Variants in GAB1 observed in about 807,000 individuals in gnomAD.
GAB1 encodes GRB2-associated-binding protein 1.
GAB1 carries 19 observed loss-of-function variants against 66.5 expected under a neutral mutation model. The ratio of observed to expected loss-of-function variants is 0.29; its 90% confidence interval spans 0.20 to 0.42. GAB1 has a LOEUF of 0.42. Ranked by LOEUF, GAB1 falls within the 10% of genes least tolerant of loss-of-function variation. GAB1 has a pLI of 1.00. For synonymous variants in GAB1, 294 were observed against 301.4 expected (o/e 0.98, Z 0.25); for missense variants, 732 against 858.5 (o/e 0.85, Z 1.84).
At chr4:143,457,631 C>T (rs1363032524) in intron 6 of GAB1, 7 of 511,622 alleles carry the variant, frequency 1.4e-5, no homozygotes, top group South Asian at 1.2e-4. Context: ...ATCCATTTTC[C>T]AATTAATAAA....
intron 1 of GAB1, among the ~76,000 whole-genome samples, chr4:143,409,969 G>A (rs1240648369): frequency 6.6e-6 from 1 of 151,888 alleles, no homozygotes. Flanking sequence ...ATCATCTGTT[G>A]AGTGTTTAAA....
Position 143,469,258 on chromosome 4 carries a change from A to C in GAB1, c.*69A>C. On this transcript the variant is annotated 3_prime_UTR_variant, in exon 10 of 10. Coordinates refer to ENST00000262994, the MANE Select transcript of GAB1 (RefSeq NM_002039.4). ...AAAGATAAATCCCTTTTGAAGAATG[A>C]CTTGACACTTCCACTCTAGGTAGAT... The C allele has an allele frequency of 6.7e-7, 1 of 1,486,630 alleles. No homozygotes were observed. Among genetic ancestry groups the C allele is most frequent in the Non-Finnish European group, 9.2e-7 (1 of 1,084,242 alleles). 92.1% of individuals were successfully genotyped at this position (1,486,630 alleles called of 1,614,324 possible). A position where few individuals can be genotyped will look rare whatever the true frequency, so the allele number is the denominator to read the frequency against.
At chr4:143,435,306 A>G (rs796117376) in intron 3 of GAB1, among the ~76,000 whole-genome samples, 14 of 152,340 alleles carry the variant, frequency 9.2e-5, no homozygotes, top group African/African-American at 3.4e-4. Flanking sequence ...TTATAAATCA[A>G]CATTTGTTAA....
intron 1 of GAB1, chr4:143,376,929 T>G (rs1353780298): frequency 2.0e-5 from 3 of 152,208 alleles, no homozygotes; most frequent in Non-Finnish European, 4.4e-5. Flanking sequence ...CCTATCATTC[T>G]TAGTCTGTCT....
chr4:143,347,662 A>G (rs570880270), intron 1 of GAB1, among the ~76,000 whole-genome samples: 6 of 152,342 alleles, frequency 3.9e-5, no homozygotes, highest in Admixed American at 3.9e-4. Context: ...GTGTGCTGCT[A>G]GGGGACATAG....
chr4:143,446,576 G>GCTGCATA (rs1305448434), intron 6 of GAB1, among the ~76,000 whole-genome samples: 1 of 152,116 alleles, frequency 6.6e-6, no homozygotes, highest in African/African-American at 2.4e-5. Flanking sequence ...GTGTCTTCTG[G>GCTGCATA]CTGCATAAAT....
chr4:143,437,461 G>A (rs1733996558), intron 3 of GAB1, among the ~76,000 whole-genome samples: 1 of 152,184 alleles, frequency 6.6e-6, no homozygotes. Flanking sequence ...TGGAAAGGAA[G>A]ATATATGAAA....
intron 1 of GAB1, among the ~76,000 whole-genome samples, chr4:143,339,465 T>G (rs1219432599): frequency 6.6e-6 from 1 of 152,236 alleles, no homozygotes; most frequent in Non-Finnish European, 1.5e-5. Flanking sequence ...GAGCAGAGTT[T>G]GTGCCATTGC....
intron 2 of GAB1, among the ~76,000 whole-genome samples, chr4:143,418,027 C>T (rs1461670275): frequency 1.3e-5 from 2 of 152,234 alleles, no homozygotes; most frequent in Admixed American, 1.3e-4. Context: ...CGTGCCGCTT[C>T]CTCTCTGGCC....
intron 6 of GAB1, among the ~76,000 whole-genome samples, chr4:143,450,002 A>T (rs1233560409): frequency 2.6e-5 from 4 of 152,126 alleles, no homozygotes; most frequent in African/African-American, 7.2e-5. Flanking sequence ...TGGAGAATGT[A>T]TGAGTAATAC....
intron 1 of GAB1, chr4:143,343,526 G>A (rs1245965006): frequency 1.3e-5 from 2 of 154,740 alleles, no homozygotes. Context: ...AGGAGCTTTT[G>A]TTATGTGCCA....
At position 143,469,215 on chromosome 4, in the gene GAB1, A is replaced by C. The variant is rs757016365; in HGVS notation, c.*26A>C. ...AAATATTGCCTTGCCATTTCTGAAC[A>C]AAAGAAAACTGAATTGTAAAGATAA... On this transcript the variant is annotated 3_prime_UTR_variant, in exon 10 of 10. Transcript: ENST00000262994. 10 of 1,610,674 alleles carry C rather than the reference A, an allele frequency of 6.2e-6. No homozygotes were observed. Among genetic ancestry groups the C allele is most frequent in the Non-Finnish European group, 8.5e-7 (1 of 1,177,938 alleles).
At chr4:143,363,994 T>C (rs1053499378) in intron 1 of GAB1, among the ~76,000 whole-genome samples, 3 of 151,966 alleles carry the variant, frequency 2.0e-5, no homozygotes, top group African/African-American at 7.3e-5. Context: ...TAAAGACCAG[T>C]GTGGCCAACA....
Position 143,337,027 on chromosome 4 carries a change from C to T in GAB1, c.-162C>T, listed in dbSNP as rs1486132888. 8.0e-6 allele frequency: 5 copies of T among 626,826 alleles called. No individual in the cohort carries two copies. The highest frequency in any genetic ancestry group is 1.1e-5 in the Non-Finnish European group (4 of 358,508). The allele number at this position is 626,826 out of a possible 1,614,324, so 38.8% of individuals were successfully genotyped here. ...GGCCTGCAGAGGAGAGACTCGAACTCGTGGAACCCGCGCACCGTGGAGTCT... is the reference window on the plus strand; with the variant it reads ...GGCCTGCAGAGGAGAGACTCGAACTTGTGGAACCCGCGCACCGTGGAGTCT... On this transcript the variant is annotated 5_prime_UTR_variant, in exon 1 of 10. Transcript: ENST00000262994.
At chr4:143,401,502 A>G (rs1731772174) in intron 1 of GAB1, among the ~76,000 whole-genome samples, 1 of 152,182 alleles carries the variant, frequency 6.6e-6, no homozygotes, top group Non-Finnish European at 1.5e-5. Flanking sequence ...TGTTTTGGGG[A>G]TGCTGTGTTA....
At chr4:143,455,224 A>G (rs1735120940) in intron 6 of GAB1, among the ~76,000 whole-genome samples, 1 of 152,184 alleles carries the variant, frequency 6.6e-6, no homozygotes, top group Non-Finnish European at 1.5e-5. Context: ...ATTTGTACCT[A>G]AAGATCCAGG....
At chr4:143,429,135 C>A (rs1733517450) in intron 2 of GAB1, among the ~76,000 whole-genome samples, 1 of 152,124 alleles carries the variant, frequency 6.6e-6, no homozygotes, top group Non-Finnish European at 1.5e-5. Flanking sequence ...TGGAGTCTTA[C>A]TCTATTGCCC....
rs112511763 is a variant in GAB1 at position 143,342,065 on chromosome 4, G to C, written c.72+4805G>C. Among the ~76,000 whole-genome samples, 905 of 152,322 alleles carry C rather than the reference G, an allele frequency of 5.9e-3. 3 individuals carry two copies. Among genetic ancestry groups the C allele is most frequent in the Non-Finnish European group, 9.3e-3 (630 of 68,034 alleles). The stretch of plus-strand genomic sequence containing the variant: ...TCCCAATGTTTTTACCTTTTCAAGT[G>C]TAGCAAGAATGTTTTTTCTGTTAAC... On this transcript the variant is annotated intron_variant, in intron 1 of 9. Transcript: ENST00000262994.
chr4:143,439,626 C>G (rs774530657), intron 4 of GAB1, 176 bp from the exon 5 acceptor site: 2 of 571,362 alleles, frequency 3.5e-6, no homozygotes, highest in Non-Finnish European at 6.3e-6. Flanking sequence ...TCTGCATTTT[C>G]TAGTGGTTTA....
Sources: gnomAD v4.1 joint callset for allele counts (sites outside exome capture counted in the v4.1 genomes callset) on GRCh38, gnomAD v4.1.1 for gene constraint, MANE v1.5 for transcripts, NCBI Gene and HGNC (gene_info 2026-07-23, HGNC 2026-07-21) for gene names.